Variants in SLC9A9 observed in about 807,000 individuals in gnomAD.
SLC9A9 encodes sodium/hydrogen exchanger 9.
A neutral mutation model predicts 77.8 loss-of-function variants in SLC9A9; 62 were observed. The ratio of observed to expected loss-of-function variants is 0.80; its 90% CI spans 0.65 to 0.98. The LOEUF (loss-of-function observed/expected upper bound fraction) is 0.98, where lower values mean the gene tolerates loss of function less well. SLC9A9 is among the 50% of genes least tolerant of loss of function. The pLI, the probability that SLC9A9 is intolerant of heterozygous loss-of-function variation, is 0.00. For synonymous variants in SLC9A9, 320 were observed against 283.5 expected (o/e 1.13, Z -1.29); for missense variants, 775 against 774.9 (o/e 1.00, Z 0.00).
intron 6 of SLC9A9, among the ~76,000 whole-genome samples, chr3:143,582,843 G>T (rs1297731538): frequency 2.6e-5 from 4 of 152,150 alleles, no homozygotes; most frequent in Admixed American, 1.3e-4. Flanking sequence ...AGTAAGAAAT[G>T]AGGCAAAAGA....
intron 11 of SLC9A9, among the ~76,000 whole-genome samples, chr3:143,484,293 C>T (rs1336391288): frequency 6.6e-6 from 1 of 152,088 alleles, no homozygotes; most frequent in Non-Finnish European, 1.5e-5. Flanking sequence ...TCTCACGCAC[C>T]CAGAAAAGGC....
intron 4 of SLC9A9, among the ~76,000 whole-genome samples, chr3:143,755,085 A>G (rs2006877294): frequency 6.6e-6 from 1 of 152,188 alleles, no homozygotes; most frequent in Non-Finnish European, 1.5e-5. Flanking sequence ...GGTTTATGGC[A>G]CCATCAAAAC....
At chr3:143,623,958 A>G (rs2038270462) in intron 6 of SLC9A9, among the ~76,000 whole-genome samples, 1 of 152,216 alleles carries the variant, frequency 6.6e-6, no homozygotes, top group African/African-American at 2.4e-5. Context: ...ACAGAAATAT[A>G]AACTACCATC....
At chr3:143,656,327 C>T (rs1217232475) in intron 5 of SLC9A9, among the ~76,000 whole-genome samples, 1 of 152,190 alleles carries the variant, frequency 6.6e-6, no homozygotes, top group Non-Finnish European at 1.5e-5. Flanking sequence ...AGCATCAAAA[C>T]TAATCCTTTT....
intron 14 of SLC9A9, among the ~76,000 whole-genome samples, chr3:143,307,717 C>T (rs1356342993): frequency 1.3e-5 from 2 of 152,206 alleles, no homozygotes; most frequent in East Asian, 1.9e-4. Flanking sequence ...AGCCAGTTGG[C>T]TGCTTACCCA....
At chr3:143,512,819 G>A (rs540575835) in intron 9 of SLC9A9, among the ~76,000 whole-genome samples, 1 of 152,318 alleles carries the variant, frequency 6.6e-6, no homozygotes, top group African/African-American at 2.4e-5. Context: ...AGGTTACAGT[G>A]AGCCAAGACT....
intron 14 of SLC9A9, among the ~76,000 whole-genome samples, chr3:143,349,265 C>A (rs1576441229): frequency 6.6e-6 from 1 of 152,132 alleles, no homozygotes; most frequent in African/African-American, 2.4e-5. Context: ...AGGTGCTTAC[C>A]TGAAAGGAGA....
chr3:143,309,891 A>T (rs1266609349), intron 14 of SLC9A9, among the ~76,000 whole-genome samples: 1 of 152,208 alleles, frequency 6.6e-6, no homozygotes, highest in African/African-American at 2.4e-5. Context: ...TCTCTGTCCC[A>T]TGAAATCCTG....
chr3:143,739,380 A>G (rs1388925694), intron 4 of SLC9A9, among the ~76,000 whole-genome samples: 3 of 152,166 alleles, frequency 2.0e-5, no homozygotes, highest in Admixed American at 6.5e-5. Flanking sequence ...CATAACTTCC[A>G]TATCATAGTG....
At chr3:143,700,334 C>T (rs905091757) in intron 4 of SLC9A9, among the ~76,000 whole-genome samples, 18 of 152,236 alleles carry the variant, frequency 1.2e-4, no homozygotes, top group African/African-American at 4.1e-4. Flanking sequence ...TTTTGACTTG[C>T]ACCTCAGGTA....
At chr3:143,569,376 CACAT>C (rs1196404208) in intron 8 of SLC9A9, among the ~76,000 whole-genome samples, 1 of 151,650 alleles carries the variant, frequency 6.6e-6, no homozygotes, top group Non-Finnish European at 1.5e-5. Context: ...CATGTATGTG[CACAT>C]ACATAGACAT....
intron 13 of SLC9A9, among the ~76,000 whole-genome samples, chr3:143,379,553 A>G (rs574262326): frequency 3.3e-5 from 5 of 152,348 alleles, no homozygotes; most frequent in South Asian, 2.1e-4. Flanking sequence ...AAATGAAATC[A>G]TTTGTAGGTA....
intron 4 of SLC9A9, among the ~76,000 whole-genome samples, chr3:143,747,488 T>C (rs1404493629): frequency 6.6e-6 from 1 of 151,998 alleles, no homozygotes; most frequent in Non-Finnish European, 1.5e-5. Context: ...CCTGAATTAT[T>C]CAGGTGGACC....
intron 4 of SLC9A9, among the ~76,000 whole-genome samples, chr3:143,758,775 C>G (rs944454785): frequency 1.3e-5 from 2 of 152,084 alleles, no homozygotes; most frequent in African/African-American, 4.8e-5. Context: ...AAAGAGTCCT[C>G]TGAACCTTCC....
At chr3:143,493,307 A>G (rs1401115753) in intron 11 of SLC9A9, among the ~76,000 whole-genome samples, 3 of 152,136 alleles carry the variant, frequency 2.0e-5, no homozygotes, top group African/African-American at 7.2e-5. Context: ...TTTACACACT[A>G]TTTACCCTGA....
intron 3 of SLC9A9, among the ~76,000 whole-genome samples, chr3:143,795,298 A>AAAAAAAC (rs773512846): frequency 7.1e-6 from 1 of 140,284 alleles, no homozygotes; most frequent in African/African-American, 2.6e-5. Context: ...AAAAAAAAAA[A>AAAAAAAC]AACCCACTGG....
chr3:143,500,992 A>G (rs2108596468), intron 9 of SLC9A9, among the ~76,000 whole-genome samples: 1 of 150,714 alleles, frequency 6.6e-6, no homozygotes, highest in South Asian at 2.1e-4. Context: ...GAAACCAAAG[A>G]TGGATTCTAG....
chr3:143,844,413 G>A (rs1428365530), intron 1 of SLC9A9, among the ~76,000 whole-genome samples: 1 of 152,152 alleles, frequency 6.6e-6, no homozygotes, highest in Non-Finnish European at 1.5e-5. Flanking sequence ...TGGCAGAAAA[G>A]CAGATGGCAG....
chr3:143,502,824 T>C (rs369102302), intron 9 of SLC9A9, among the ~76,000 whole-genome samples: 2 of 152,352 alleles, frequency 1.3e-5, no homozygotes, highest in South Asian at 2.1e-4. Flanking sequence ...ATCTCAGAAT[T>C]AATCTTGGCT....
Sources: gnomAD v4.1 joint callset for allele counts (sites outside exome capture counted in the v4.1 genomes callset) on GRCh38, gnomAD v4.1.1 for gene constraint, MANE v1.5 for transcripts, NCBI Gene and HGNC (gene_info 2026-07-23, HGNC 2026-07-21) for gene names.